Variants in PIAS2 observed in about 807,000 individuals in gnomAD.
PIAS2 encodes E3 SUMO-protein ligase PIAS2.
A neutral mutation model predicts 69.7 loss-of-function variants in PIAS2; 19 were observed. The observed-to-expected ratio is 0.27, with a 90% confidence interval of 0.19 to 0.40. The LOEUF (loss-of-function observed/expected upper bound fraction) is 0.40, where lower values mean the gene tolerates loss of function less well. Among genes scored for constraint, PIAS2 ranks in the 10% least tolerant of loss-of-function variants. The pLI, the probability that PIAS2 is intolerant of heterozygous loss-of-function variation, is 1.00. For synonymous variants in PIAS2, 261 were observed against 263.2 expected (o/e 0.99, Z 0.08); for missense variants, 624 against 757.0 (o/e 0.82, Z 2.06).
At chr18:46,838,411 G>C (rs72907154) in intron 8 of PIAS2, among the ~76,000 whole-genome samples, 3 of 152,174 alleles carry the variant, frequency 2.0e-5, no homozygotes, top group Non-Finnish European at 4.4e-5. Flanking sequence ...TGGCAGAGCA[G>C]GTCTGACCTG....
intron 11 of PIAS2, 127 bp downstream of exon 11, chr18:46,827,832 A>G (rs2043033486): frequency 1.3e-6 from 1 of 778,806 alleles, no homozygotes; most frequent in Admixed American, 2.7e-5. Context: ...AAATATTTCA[A>G]CTCAACAAAG....
intron 2 of PIAS2, among the ~76,000 whole-genome samples, chr18:46,866,787 C>G (rs949555379): frequency 7.2e-5 from 11 of 152,044 alleles, no homozygotes; most frequent in Admixed American, 5.2e-4. Flanking sequence ...TCTGATAAAC[C>G]TGAAATCTCC....
chr18:46,842,307 G>T (rs1313756783), intron 8 of PIAS2, among the ~76,000 whole-genome samples: 1 of 149,686 alleles, frequency 6.7e-6, no homozygotes, highest in Non-Finnish European at 1.5e-5. Context: ...TAAAAAGCCT[G>T]AGAATCTGTT....
chr18:46,815,471 GAGA>G (rs1472188890), intron 12 of PIAS2, 122 bp from the exon 13 acceptor site: 12 of 1,541,452 alleles, frequency 7.8e-6, no homozygotes, highest in Non-Finnish European at 9.6e-6. Flanking sequence ...CTCTGTCACA[GAGA>G]AGTTCTATAC....
chr18:46,899,405 A>G (rs1156384690), intron 1 of PIAS2, among the ~76,000 whole-genome samples: 1 of 152,220 alleles, frequency 6.6e-6, no homozygotes, highest in African/African-American at 2.4e-5. Flanking sequence ...AGGCAGGCCT[A>G]ACACACTCAA....
At chr18:46,872,406 A>G (rs1159863778) in intron 2 of PIAS2, among the ~76,000 whole-genome samples, 1 of 152,264 alleles carries the variant, frequency 6.6e-6, no homozygotes, top group Admixed American at 6.5e-5. Context: ...ACCAATAGAT[A>G]GTCTTGCCCC....
chr18:46,916,819 C>T (rs2057982869), intron 1 of PIAS2: 7 of 985,376 alleles, frequency 7.1e-6, no homozygotes, highest in Non-Finnish European at 8.4e-6. Context: ...GGCCTTTTCT[C>T]GTGACAGACC....
chr18:46,846,658 A>G, intron 6 of PIAS2, 49 bp downstream of exon 6: 1 of 1,516,862 alleles, frequency 6.6e-7, no homozygotes, highest in African/African-American at 1.4e-5. Flanking sequence ...ACAGAAAGTC[A>G]ACCCTCAGTG....
chr18:46,870,902 A>G (rs1363873385), intron 2 of PIAS2, among the ~76,000 whole-genome samples: 2 of 152,184 alleles, frequency 1.3e-5, no homozygotes, highest in African/African-American at 4.8e-5. Flanking sequence ...GCAGCTCACC[A>G]AGAGAATATG....
intron 2 of PIAS2, among the ~76,000 whole-genome samples, chr18:46,865,308 G>A (rs148134647): frequency 1.3e-5 from 2 of 152,236 alleles, no homozygotes; most frequent in Admixed American, 1.3e-4. Context: ...GGGAGGCCGA[G>A]GCAGGTGGAT....
intron 1 of PIAS2, among the ~76,000 whole-genome samples, chr18:46,912,332 C>G (rs2057362375): frequency 6.6e-6 from 1 of 152,140 alleles, no homozygotes; most frequent in Non-Finnish European, 1.5e-5. Flanking sequence ...TACATCATTT[C>G]TAGTTTACAA....
At chr18:46,916,926 G>C in intron 1 of PIAS2, 1 of 985,548 alleles carries the variant, frequency 1.0e-6, no homozygotes, top group Non-Finnish European at 1.2e-6. Flanking sequence ...GTAGCATGCA[G>C]ACTTGTGAAT....
intron 2 of PIAS2, among the ~76,000 whole-genome samples, chr18:46,880,531 A>G (rs1179522921): frequency 6.6e-6 from 1 of 152,198 alleles, no homozygotes; most frequent in Admixed American, 6.5e-5. Flanking sequence ...GCAGTGCACA[A>G]TGATCATGCC....
At chr18:46,918,792 T>A (rs2058305415), upstream of PIAS2, among the ~76,000 whole-genome samples, 1 of 152,112 alleles carries the variant, frequency 6.6e-6, no homozygotes, top group South Asian at 2.1e-4. Context: ...TCTTCTTTGT[T>A]CCTAACTCCT....
chr18:46,916,453 G>A (rs1381724410), intron 1 of PIAS2, among the ~76,000 whole-genome samples: 1 of 150,576 alleles, frequency 6.6e-6, no homozygotes, highest in African/African-American at 2.4e-5. Context: ...CATTTATGTC[G>A]CCAGTAATTC....
chr18:46,885,799 G>A (rs542068848), intron 2 of PIAS2, among the ~76,000 whole-genome samples: 1 of 152,224 alleles, frequency 6.6e-6, no homozygotes, highest in East Asian at 1.9e-4. Context: ...CTGAAGCTAC[G>A]ACCAAAATGC....
At position 46,811,952 on chromosome 18, in the gene PIAS2, T is replaced by C. The variant is rs1479096821; in HGVS notation, c.*481A>G. ...TTCAATGAAACAGAGCAAATCTCCA[T>C]GGAAAGGACTCATTCAGCAAACATT... is the stretch of plus-strand genomic sequence containing the variant. On this transcript the variant is annotated 3_prime_UTR_variant, in exon 14 of 14. Transcript: ENST00000585916. The C allele has an allele frequency of 2.0e-5, 3 of 152,460 alleles. No homozygotes were observed. In the East Asian group the frequency reaches 5.8e-4, roughly 29 times the overall value. 9.4% of individuals were successfully genotyped at this position (152,460 alleles called of 1,614,324 possible).
chr18:46,898,102 A>G (rs994275680), intron 1 of PIAS2, among the ~76,000 whole-genome samples: 7 of 151,938 alleles, frequency 4.6e-5, no homozygotes, highest in Admixed American at 2.6e-4. Context: ...TGATCCTTCC[A>G]CCTTGACCTC....
At chr18:46,869,863 T>A (rs186591817) in intron 2 of PIAS2, among the ~76,000 whole-genome samples, 2 of 152,172 alleles carry the variant, frequency 1.3e-5, no homozygotes, top group Non-Finnish European at 2.9e-5. Context: ...GGAAATAGAT[T>A]ATGCCCTGTA....
Sources: gnomAD v4.1 joint callset for allele counts (sites outside exome capture counted in the v4.1 genomes callset) on GRCh38, gnomAD v4.1.1 for gene constraint, MANE v1.5 for transcripts, NCBI Gene and HGNC (gene_info 2026-07-23, HGNC 2026-07-21) for gene names.